Variants in FAM184B observed in about 807,000 individuals in gnomAD.
FAM184B encodes protein FAM184B.
A neutral mutation model predicts 135.9 loss-of-function variants in FAM184B; 111 were observed. The observed-to-expected ratio is 0.82, with a 90% CI of 0.70 to 0.96. The LOEUF (loss-of-function observed/expected upper bound fraction) is 0.96, where lower values mean the gene tolerates loss of function less well. Ranked by LOEUF, FAM184B falls within the 40% of genes least tolerant of loss-of-function variation. The pLI is 0.00. For missense variants in FAM184B, 1,375 were observed against 1,323.9 expected (o/e 1.04, Z -0.60); for synonymous variants, 552 against 524.8 (o/e 1.05, Z -0.71).
chr4:17,728,478 G>T (rs1717694116), intron 1 of FAM184B, among the ~76,000 whole-genome samples: 1 of 152,194 alleles, frequency 6.6e-6, no homozygotes, highest in South Asian at 2.1e-4. Flanking sequence ...ACTGCTGTGA[G>T]TTAAAGTATG....
intron 1 of FAM184B, among the ~76,000 whole-genome samples, chr4:17,728,363 G>C (rs1209771315): frequency 6.6e-6 from 1 of 152,130 alleles, no homozygotes; most frequent in Non-Finnish European, 1.5e-5. Flanking sequence ...CTCCAGCCCA[G>C]GTGACAGAGC....
intron 7 of FAM184B, among the ~76,000 whole-genome samples, chr4:17,670,982 G>T (rs1015867234): frequency 6.6e-6 from 1 of 152,202 alleles, no homozygotes; most frequent in African/African-American, 2.4e-5. Flanking sequence ...CAAACTGAGA[G>T]GAGTAATGTC....
chr4:17,741,098 T>C (rs959219761), intron 1 of FAM184B, among the ~76,000 whole-genome samples: 9 of 152,180 alleles, frequency 5.9e-5, no homozygotes. Context: ...CCAGGCACTG[T>C]TCTTGGTATT....
In FAM184B at chr4:17,632,636, A is replaced by AT; in HGVS notation, c.3090-12_3090-11insA. On this transcript the variant is annotated splice_polypyrimidine_tract_variant and intron_variant, in intron 17 of 17. Transcript: ENST00000265018. ...TCACCATCTGGGGTCCTAAAAGCAA[A>AT]AAAAGGTTTTTTTATATGGTTTTGA... is the stretch of plus-strand genomic sequence containing the variant. The AT allele has an allele frequency of 1.3e-6, 2 of 1,535,914 alleles. No individual in the cohort carries two copies. The highest frequency in any genetic ancestry group is 1.8e-6 in the Non-Finnish European group (2 of 1,135,638).
chr4:17,755,056 T>A (rs889743325), intron 1 of FAM184B, among the ~76,000 whole-genome samples: 3 of 152,018 alleles, frequency 2.0e-5, no homozygotes, highest in Non-Finnish European at 4.4e-5. Flanking sequence ...GAATGGGGTC[T>A]TGCTGTGTTT....
intron 7 of FAM184B, among the ~76,000 whole-genome samples, chr4:17,676,259 A>G (rs1309466972): frequency 6.6e-6 from 1 of 152,210 alleles, no homozygotes; most frequent in African/African-American, 2.4e-5. Flanking sequence ...AAGGATAGAG[A>G]GGGAAAGACG....
intron 5 of FAM184B, among the ~76,000 whole-genome samples, chr4:17,694,478 G>C (rs1174185271): frequency 6.6e-6 from 1 of 150,936 alleles, no homozygotes; most frequent in East Asian, 1.9e-4. Flanking sequence ...AGCCGAGATG[G>C]TGCCACTGCA....
Position 17,781,213 on chromosome 4 carries a change from G to C in FAM184B, c.87C>G (p.Asp29Glu). The stretch of plus-strand genomic sequence containing the variant: ...TTTTCACGTGCATCTGGGGATCACA[G>C]TCCATTCTCCAGCCGGCGCCACCGT... ...KADGGAGWRM[D>E]CDPQMHVKMC... is the part of the protein sequence containing the mutation. The change falls in exon 1 of 18, where the codon GAC (aspartate) becomes GAG (glutamate). Residue 29 changes from aspartate (D) to glutamate (E), a missense_variant. Coordinates refer to ENST00000265018, the MANE Select transcript of FAM184B (RefSeq NM_015688.2). The surrounding 1 kb of genome is among the most constrained non-coding windows in gnomAD (Gnocchi z 6.5). 2 of 1,550,972 alleles carry C rather than the reference G, an allele frequency of 1.3e-6. No individual in the cohort carries two copies. The highest frequency in any genetic ancestry group is 2.0e-5 in the Admixed American group (1 of 50,900).
intron 1 of FAM184B, among the ~76,000 whole-genome samples, chr4:17,763,245 C>T (rs898228634): frequency 3.9e-5 from 6 of 152,096 alleles, no homozygotes; most frequent in Non-Finnish European, 5.9e-5. Context: ...ATGAGATTCT[C>T]TAAATTGGGT....
intron 8 of FAM184B, among the ~76,000 whole-genome samples, chr4:17,662,496 C>G (rs1280816691): frequency 6.6e-6 from 1 of 152,102 alleles, no homozygotes; most frequent in African/African-American, 2.4e-5. Context: ...TGCCACCATG[C>G]CCAGCTAATT....
chr4:17,719,227 C>A (rs1244878320), intron 1 of FAM184B, among the ~76,000 whole-genome samples: 1 of 152,134 alleles, frequency 6.6e-6, no homozygotes, highest in Non-Finnish European at 1.5e-5. Flanking sequence ...TGAAAACAAG[C>A]ACTGTGACAG....
Position 17,633,761 on chromosome 4 carries a change from C to T in FAM184B, c.3017G>A (p.Ser1006Asn). The change falls in exon 17 of 18, where the codon AGC (serine) becomes AAC (asparagine). Residue 1006 changes from serine to asparagine, a missense_variant. Physicochemically the swap from Ser to Asn is conservative, Grantham distance 46. Transcript: ENST00000265018. ...GCCACAGCTGGGGCTTGGGTCCAAG[C>T]TGGGTGATGTAGTTATTGGAGGGGC... ...INAPPITTSPSLDPSPSCGRT... is the reference protein window; with the variant it reads ...INAPPITTSPNLDPSPSCGRT... 6.4e-7 allele frequency: 1 copy of T among 1,551,282 alleles called. No individual in the cohort carries two copies. The highest frequency in any genetic ancestry group is 8.7e-7 in the Non-Finnish European group (1 of 1,146,818).
rs187416460 is a variant in FAM184B, at chr4:17,676,058, G to T, written c.1597-11399C>A. On this transcript the variant is annotated intron_variant, in intron 7 of 17. Transcript: ENST00000265018. Reference sequence around the variant, plus strand: ...CATTCACAACTTGGCTAACTGTTCAGCACAAGATGCCTAGCTTAGGCCTGT... The same window carrying T: ...CATTCACAACTTGGCTAACTGTTCATCACAAGATGCCTAGCTTAGGCCTGT... Among the ~76,000 whole-genome samples the T allele has an allele frequency of 5.9e-5, 9 of 152,260 alleles. No individual in the cohort carries two copies. The East Asian group carries it at 1.7e-3, about 29-fold the overall frequency.
rs397992408 is a variant in FAM184B, at chr4:17,739,555, G to GTTTTTTTTTTTT, written c.142-29923_142-29912dup. On this transcript the variant is annotated intron_variant, in intron 1 of 17. Coordinates refer to ENST00000265018, the MANE Select transcript of FAM184B (RefSeq NM_015688.2). ...CCCTACACCATATGTCATACCAACTGTTTTTTTTTTTTTTTTGAGATGGGG... is the reference window on the plus strand; with the variant it reads ...CCCTACACCATATGTCATACCAACTGTTTTTTTTTTTTTTTTTTTTTTTTTTTTGAGATGGGG... Among the ~76,000 whole-genome samples the GTTTTTTTTTTTT allele has an allele frequency of 3.3e-3, 205 of 62,506 alleles. 81 individuals are homozygous for GTTTTTTTTTTTT. Among genetic ancestry groups the GTTTTTTTTTTTT allele is most frequent in the South Asian group, 5.5e-3 (7 of 1,280 alleles). The allele number at this position is 62,506 out of a possible 152,430, so 41.0% of individuals were successfully genotyped here. A position where few individuals can be genotyped will look rare whatever the true frequency, so the allele number is the denominator to read the frequency against.
intron 14 of FAM184B, among the ~76,000 whole-genome samples, chr4:17,637,343 C>A (rs573409291): frequency 6.6e-6 from 1 of 152,276 alleles, no homozygotes; most frequent in Non-Finnish European, 1.5e-5. Context: ...GCTTTTTCAG[C>A]GTGAAGCCAG....
At chr4:17,641,577 C>G (rs570239675) in intron 13 of FAM184B, among the ~76,000 whole-genome samples, 2 of 132,418 alleles carry the variant, frequency 1.5e-5, no homozygotes, top group Admixed American at 1.8e-4. Flanking sequence ...CTCCCGAGTT[C>G]ACGCGATTTT....
chr4:17,673,494 C>T (rs1344390079), intron 7 of FAM184B, among the ~76,000 whole-genome samples: 1 of 152,080 alleles, frequency 6.6e-6, no homozygotes, highest in Non-Finnish European at 1.5e-5. Flanking sequence ...AGTTCGCAAT[C>T]ACAAAAATGT....
chr4:17,674,508 AT>A (rs1716266425), intron 7 of FAM184B, among the ~76,000 whole-genome samples: 1 of 152,174 alleles, frequency 6.6e-6, no homozygotes, highest in Non-Finnish European at 1.5e-5. Context: ...CAGAATGGTC[AT>A]TGCTGAAGGC....
chr4:17,690,785 C>T (rs1274094097), intron 6 of FAM184B, among the ~76,000 whole-genome samples: 2 of 151,914 alleles, frequency 1.3e-5, no homozygotes, highest in Non-Finnish European at 2.9e-5. Flanking sequence ...TTGTTCAAGG[C>T]ATAGGTGTGG....
Sources: gnomAD v4.1 joint callset for allele counts (sites outside exome capture counted in the v4.1 genomes callset) on GRCh38, gnomAD v4.1.1 for gene constraint, Gnocchi (gnomAD v3.1) non-coding constraint, MANE v1.5 for transcripts, NCBI Gene and HGNC (gene_info 2026-07-23, HGNC 2026-07-21) for gene names.